Variants in PSTPIP1 observed in about 807,000 individuals in gnomAD.
The protein encoded by PSTPIP1 is proline-serine-threonine phosphatase interacting protein 1, also known as proline-serine-threonine phosphatase-interacting protein 1.
In PSTPIP1, 66 loss-of-function variants were observed where a neutral mutation model predicts 69.6. The observed-to-expected ratio is 0.95, with a 90% CI of 0.78 to 1.16. The LOEUF (loss-of-function observed/expected upper bound fraction) is 1.16, where lower values mean the gene tolerates loss of function less well. Ranked by LOEUF, PSTPIP1 falls within the 50% of genes most tolerant of loss-of-function variation. The pLI, the probability that PSTPIP1 is intolerant of heterozygous loss-of-function variation, is 0.00. For synonymous variants in PSTPIP1, 266 were observed against 222.7 expected (o/e 1.19, Z -1.73); for missense variants, 603 against 557.4 (o/e 1.08, Z -0.82).
In PSTPIP1 at chr15:77,027,712, G is replaced by A; in HGVS notation, c.355-140G>A. 1 of 927,708 alleles carries A rather than the reference G, an allele frequency of 1.1e-6. No homozygotes were observed. The highest frequency in any genetic ancestry group is 1.7e-6 in the Non-Finnish European group (1 of 585,098). The allele number at this position is 927,708 out of a possible 1,614,324, so 57.5% of individuals were successfully genotyped here. A position where few individuals can be genotyped will look rare whatever the true frequency, so the allele number is the denominator to read the frequency against. ...GGTCACTGTGAAGCAGCAGGCTCTG[G>A]GGGAGGGAGGGCAGCCTGTCACCCT... On this transcript the variant is annotated intron_variant, in intron 5 of 14. Coordinates refer to ENST00000558012, the MANE Select transcript of PSTPIP1 (RefSeq NM_003978.5). The surrounding 1 kb of genome is among the most constrained non-coding windows in gnomAD (Gnocchi z 4.3).
At chr15:77,023,255 A>T (rs2076201644) in intron 3 of PSTPIP1, among the ~76,000 whole-genome samples, 1 of 152,248 alleles carries the variant, frequency 6.6e-6, no homozygotes, top group African/African-American at 2.4e-5. Flanking sequence ...TGCGTGACAG[A>T]CATCCGCTGG....
chr15:77,029,447 T>C, intron 7 of PSTPIP1, 82 bp from the exon 8 acceptor site: 1 of 1,506,780 alleles, frequency 6.6e-7, no homozygotes, highest in South Asian at 1.2e-5. Context: ...CCGGGGAAGC[T>C]TGACAGTCAC....
intron 1 of PSTPIP1, among the ~76,000 whole-genome samples, chr15:77,000,460 G>GAGAGAT (rs1555673709): frequency 1.4e-5 from 2 of 141,694 alleles, no homozygotes; most frequent in African/African-American, 5.3e-5. Flanking sequence ...TTTAAAGAGA[G>GAGAGAT]ATATATATAT....
At chr15:77,022,314 C>T (rs1448590797) in intron 3 of PSTPIP1, among the ~76,000 whole-genome samples, 1 of 152,152 alleles carries the variant, frequency 6.6e-6, no homozygotes, top group African/African-American at 2.4e-5. Context: ...GGGCAGGCAG[C>T]AGGGACACAG....
chr15:77,018,662 G>T, intron 3 of PSTPIP1, 131 bp downstream of exon 3: 1 of 993,712 alleles, frequency 1.0e-6, no homozygotes, highest in Non-Finnish European at 1.4e-6. Flanking sequence ...TTGCTCCTTG[G>T]TGCCTGGTTA....
intron 1 of PSTPIP1, among the ~76,000 whole-genome samples, chr15:77,002,211 G>C (rs572911084): frequency 6.6e-6 from 1 of 152,194 alleles, no homozygotes; most frequent in African/African-American, 2.4e-5. Flanking sequence ...AGGCCCAGAC[G>C]AGGGTCACCT....
At chr15:77,030,055 T>C (rs1186696727) in intron 8 of PSTPIP1, among the ~76,000 whole-genome samples, 1 of 151,964 alleles carries the variant, frequency 6.6e-6, no homozygotes, top group African/African-American at 2.4e-5. Context: ...GCCTCTCCCT[T>C]CTGCTCTGCC....
chr15:77,035,604 T>TGG lies in PSTPIP1; in HGVS notation c.985+47_985+48dup, dbSNP rs143536570. ...AGGGGACCCCCAAACACACTGATCC[T>TGG]GGGGGGGAGGAGAGGTCTCCCACAT... is the stretch of plus-strand genomic sequence containing the variant. On this transcript the variant is annotated intron_variant, in intron 13 of 14. Transcript: ENST00000558012. 379 of 1,546,848 alleles carry TGG rather than the reference T, an allele frequency of 2.5e-4. No individual in the cohort carries two copies. In the African/African-American group the frequency reaches 3.1e-3, roughly 13 times the overall value.
At chr15:76,995,005 G>A (rs576919287), upstream of PSTPIP1, 58 of 1,185,402 alleles carry the variant, frequency 4.9e-5, no homozygotes, top group South Asian at 3.0e-4. Flanking sequence ...CCCGCACCTC[G>A]GGAGGGGGCA....
intron 9 of PSTPIP1, among the ~76,000 whole-genome samples, 200 bp from the exon 10 acceptor site, chr15:77,030,980 G>C (rs932741500): frequency 6.6e-6 from 1 of 152,202 alleles, no homozygotes; most frequent in Admixed American, 6.5e-5. Flanking sequence ...GGGACCCCCT[G>C]GGCATCTCCA....
At chr15:77,030,400 C>A in intron 8 of PSTPIP1, 102 bp from the exon 9 acceptor site, 1 of 1,237,590 alleles carries the variant, frequency 8.1e-7, no homozygotes, top group Non-Finnish European at 1.2e-6. Context: ...ATGGGGGAGG[C>A]GGGGCTCCCA....
intron 14 of PSTPIP1, 42 bp from the exon 15 acceptor site, chr15:77,036,998 TCCCTG>T (rs2076593206): frequency 6.3e-7 from 1 of 1,592,398 alleles, no homozygotes; most frequent in Non-Finnish European, 8.6e-7. Flanking sequence ...TGCAGGCCCT[TCCCTG>T]CAGGCCCTTC....
chr15:76,998,314 C>G (rs1217053047), intron 1 of PSTPIP1, among the ~76,000 whole-genome samples: 1 of 152,230 alleles, frequency 6.6e-6, no homozygotes, highest in Non-Finnish European at 1.5e-5. Flanking sequence ...CTCACCCATA[C>G]AGAACACGGG....
chr15:77,024,666 G>A (rs2076233989), intron 3 of PSTPIP1, among the ~76,000 whole-genome samples: 2 of 152,176 alleles, frequency 1.3e-5, no homozygotes, highest in Non-Finnish European at 1.5e-5. Context: ...CTGTTTTTAT[G>A]TGTTCATTCT....
Position 77,028,583 on chromosome 15 carries a change from G to A in PSTPIP1, c.447G>A (p.Arg149=). 1 of 1,603,408 alleles carries A rather than the reference G, an allele frequency of 6.2e-7. No homozygotes were observed. The highest frequency in any genetic ancestry group is 8.5e-7 in the Non-Finnish European group (1 of 1,175,738). ...AGAAGACATACGAGCAGAAGTGCCGGGACGCGGACGACGCGGAGCAGGCCT... is the reference window on the plus strand; with the variant it reads ...AGAAGACATACGAGCAGAAGTGCCGAGACGCGGACGACGCGGAGCAGGCCT... ...ESKKTYEQKC[R]DADDAEQAFE... Residue 149 remains arginine (R), a synonymous_variant, in exon 7 of 15, where the codon CGG becomes CGA. Transcript: ENST00000558012.
At chr15:77,022,442 A>G (rs2076180620) in intron 3 of PSTPIP1, among the ~76,000 whole-genome samples, 1 of 152,248 alleles carries the variant, frequency 6.6e-6, no homozygotes, top group South Asian at 2.1e-4. Context: ...ACATGAAGGC[A>G]CTGGTGACAG....
Position 77,032,604 on chromosome 15 carries a change from G to A in PSTPIP1, c.838+210G>A. On this transcript the variant is annotated intron_variant, in intron 11 of 14. Coordinates refer to ENST00000558012, the MANE Select transcript of PSTPIP1 (RefSeq NM_003978.5). ...AAGGGCATGATGGCACTCAGAGGAA[G>A]AGGTGGGGATGGGGATTGAGGTGAG... The A allele has an allele frequency of 1.1e-5, 7 of 633,424 alleles. No homozygotes were observed. In the South Asian group the frequency reaches 1.4e-4, roughly 12 times the overall value. 39.2% of individuals were successfully genotyped at this position (633,424 alleles called of 1,614,324 possible). A position where few individuals can be genotyped will look rare whatever the true frequency, so the allele number is the denominator to read the frequency against.
intron 13 of PSTPIP1, 47 bp downstream of exon 13, chr15:77,035,610 GGAGGA>G: frequency 1.3e-6 from 2 of 1,538,804 alleles, no homozygotes; most frequent in South Asian, 1.2e-5. Context: ...ATCCTGGGGG[GGAGGA>G]GAGGTCTCCC....
chr15:76,999,720 A>C (rs1435884893), intron 1 of PSTPIP1: 2 of 152,264 alleles, frequency 1.3e-5, no homozygotes, highest in Non-Finnish European at 2.9e-5. Flanking sequence ...AGGAAGCCAT[A>C]GTTCAGTGCC....
Sources: allele counts gnomAD v4.1 joint callset (sites outside exome capture counted in the v4.1 genomes callset), GRCh38; gene constraint gnomAD v4.1.1; non-coding constraint Gnocchi (gnomAD v3.1); transcripts MANE v1.5; gene names NCBI Gene and HGNC (gene_info 2026-07-23, HGNC 2026-07-21).